Variants in PTK2 observed in about 807,000 individuals in gnomAD.
PTK2 encodes focal adhesion kinase 1.
In PTK2, 45 loss-of-function variants were observed where a neutral mutation model predicts 150.1. The ratio of observed to expected loss-of-function variants is 0.30; its 90% CI spans 0.24 to 0.38. PTK2 has a LOEUF of 0.38. Ranked by LOEUF, PTK2 falls within the 10% of genes least tolerant of loss-of-function variation. The pLI is 1.00. For missense variants in PTK2, 919 were observed against 1,307.3 expected, an observed-to-expected ratio of 0.70 and a Z score of 4.58; for synonymous variants, 432 against 449.2, an observed-to-expected ratio of 0.96 and a Z score of 0.48.
chr8:140,755,505 G>C (rs1002920414), intron 16 of PTK2, among the ~76,000 whole-genome samples: 1 of 152,136 alleles, frequency 6.6e-6, no homozygotes, highest in African/African-American at 2.4e-5. Flanking sequence ...CTTCTGCCTA[G>C]AACAGGCTTC....
intron 3 of PTK2, 99 bp downstream of exon 3, chr8:140,890,444 T>G: frequency 1.0e-6 from 1 of 998,566 alleles, no homozygotes; most frequent in South Asian, 1.7e-5. Flanking sequence ...AAGTCCCCGA[T>G]AAGTTAAATA....
At chr8:140,676,381 A>G (rs1200799545) in intron 27 of PTK2, among the ~76,000 whole-genome samples, 1 of 63,482 alleles carries the variant, frequency 1.6e-5, no homozygotes, top group African/African-American at 3.8e-5. Context: ...GTCTCAAAAA[A>G]ATTAATTAAT....
At chr8:140,717,479 A>G in intron 23 of PTK2, 119 bp downstream of exon 26, 1 of 748,376 alleles carries the variant, frequency 1.3e-6, no homozygotes, top group South Asian at 1.6e-5. Flanking sequence ...TGGTGTTATA[A>G]CTATTACTCT....
At chr8:140,978,966 G>A (rs1167734399) in intron 1 of PTK2, among the ~76,000 whole-genome samples, 6 of 151,838 alleles carry the variant, frequency 4.0e-5, no homozygotes, top group African/African-American at 1.2e-4. Flanking sequence ...GTAGGGACAT[G>A]GATGAAGCTG....
chr8:140,715,036 T>C (rs913831145), intron 23 of PTK2, among the ~76,000 whole-genome samples: 7 of 151,560 alleles, frequency 4.6e-5, no homozygotes, highest in Non-Finnish European at 7.4e-5. Context: ...AAAAACTGCA[T>C]ACAGGACTTG....
At chr8:140,736,004 G>C (rs1233527677) in intron 21 of PTK2, among the ~76,000 whole-genome samples, 2 of 152,188 alleles carry the variant, frequency 1.3e-5, no homozygotes, top group Non-Finnish European at 2.9e-5. Context: ...GGAAAGATGT[G>C]GAACTTCTTT....
chr8:140,686,179 G>C (rs753987936), intron 27 of PTK2, among the ~76,000 whole-genome samples: 3 of 152,122 alleles, frequency 2.0e-5, no homozygotes, highest in Non-Finnish European at 4.4e-5. Context: ...ATAAAGGGGA[G>C]CTAAACACTC....
chr8:140,719,905 A>AT (rs1565040463), intron 22 of PTK2, among the ~76,000 whole-genome samples: 2 of 109,880 alleles, frequency 1.8e-5, no homozygotes, highest in Non-Finnish European at 4.4e-5. Context: ...AAAAAAAAAA[A>AT]AAAAAAAAAT....
intron 29 of PTK2, chr8:140,669,241 G>C (rs2094170416): frequency 6.7e-6 from 1 of 148,368 alleles, no homozygotes; most frequent in Non-Finnish European, 1.5e-5. Context: ...GAGGGCCTTT[G>C]GGAAATCTTC....
chr8:140,809,706 T>G (rs978516649), intron 10 of PTK2, among the ~76,000 whole-genome samples: 1 of 152,156 alleles, frequency 6.6e-6, no homozygotes, highest in Non-Finnish European at 1.5e-5. Context: ...CTTGGGAGAC[T>G]GAGGCAGGAG....
intron 2 of PTK2, among the ~76,000 whole-genome samples, chr8:140,916,380 GT>G (rs1157340082): frequency 6.6e-6 from 1 of 152,206 alleles, no homozygotes; most frequent in African/African-American, 2.4e-5. Context: ...TATTCACTCT[GT>G]TCCAGCCACA....
intron 1 of PTK2, among the ~76,000 whole-genome samples, chr8:140,937,592 AAAAAAAACAC>A (rs1205825035): frequency 6.6e-6 from 1 of 151,818 alleles, no homozygotes; most frequent in African/African-American, 2.4e-5. Context: ...CAATAAAAAA[AAAAAAAACAC>A]AAAAAAACAA....
intron 1 of PTK2, among the ~76,000 whole-genome samples, chr8:140,990,213 C>A (rs1360045162): frequency 2.0e-5 from 3 of 150,504 alleles, no homozygotes; most frequent in African/African-American, 7.3e-5. Context: ...TAAGTTATAA[C>A]TTTAACTCTC....
At chr8:140,673,522 G>A (rs1338574209) in intron 29 of PTK2, among the ~76,000 whole-genome samples, 1 of 152,166 alleles carries the variant, frequency 6.6e-6, no homozygotes, top group Admixed American at 6.5e-5. Flanking sequence ...TATGACAATT[G>A]AGAAATAGCG....
intron 2 of PTK2, among the ~76,000 whole-genome samples, chr8:140,910,382 T>G (rs1412346783): frequency 5.3e-5 from 8 of 152,130 alleles, no homozygotes; most frequent in Non-Finnish European, 1.0e-4. Flanking sequence ...TTGGCCAATA[T>G]AAATTTGTAT....
At chr8:140,994,015 T>C (rs7816620) in intron 1 of PTK2, among the ~76,000 whole-genome samples, 64,449 of 152,040 alleles carry the variant, frequency 0.42, 15,398 homozygotes, top group Non-Finnish European at 0.55. Flanking sequence ...CAGGTGTGAG[T>C]TACCGCACCC....
At chr8:140,887,492 C>T (rs937490278) in intron 3 of PTK2, among the ~76,000 whole-genome samples, 1 of 152,166 alleles carries the variant, frequency 6.6e-6, no homozygotes, top group African/African-American at 2.4e-5. Flanking sequence ...TACTTATTAA[C>T]TGAAGCATGA....
At chr8:140,757,513 GTTATCTT>G (rs2100066549) in intron 16 of PTK2, among the ~76,000 whole-genome samples, 1 of 151,982 alleles carries the variant, frequency 6.6e-6, no homozygotes. Flanking sequence ...GCAATTATCT[GTTATCTT>G]TGATTAAAAA....
chr8:140,705,017 C>A (rs1382712788), intron 24 of PTK2, among the ~76,000 whole-genome samples: 1 of 152,044 alleles, frequency 6.6e-6, no homozygotes, highest in Non-Finnish European at 1.5e-5. Context: ...CAGTGTCTCC[C>A]AAAACACAGG....
Sources: allele counts gnomAD v4.1 joint callset (sites outside exome capture counted in the v4.1 genomes callset), GRCh38; gene constraint gnomAD v4.1.1; transcripts MANE v1.5; gene names NCBI Gene and HGNC (gene_info 2026-07-23, HGNC 2026-07-21).